PLCL1: variants seen among roughly 807,000 people sequenced by gnomAD.
PLCL1 encodes the protein phospholipase C like 1 (inactive).
Under a neutral mutation model 84.4 loss-of-function variants are expected in PLCL1, and 41 were observed. The observed-to-expected ratio is 0.49, with a 90% CI of 0.38 to 0.63. The LOEUF is 0.63. Among genes scored for constraint, PLCL1 ranks in the 30% least tolerant of loss-of-function variants. The probability of loss-of-function intolerance (pLI) is 0.00; values close to 1 mark genes in which losing one functional copy is unlikely to be tolerated. For missense variants in PLCL1, 1,206 were observed against 1,367.8 expected (o/e 0.88, Z 1.87); for synonymous variants, 490 against 488.3 (o/e 1.00, Z -0.05).
At chr2:198,146,432 T>C (rs1175678836) in intron 5 of PLCL1, among the ~76,000 whole-genome samples, 1 of 152,156 alleles carries the variant, frequency 6.6e-6, no homozygotes, top group African/African-American at 2.4e-5. Flanking sequence ...ATGCTGGATC[T>C]GGGCGGGGTA....
At chr2:197,823,913 G>A (rs539483748) in intron 1 of PLCL1, among the ~76,000 whole-genome samples, 7 of 152,176 alleles carry the variant, frequency 4.6e-5, no homozygotes, top group Non-Finnish European at 7.4e-5. Context: ...CAATTTTTAC[G>A]AAAGGGTCAA....
intron 5 of PLCL1, among the ~76,000 whole-genome samples, chr2:198,136,201 A>G (rs1325411784): frequency 1.3e-5 from 2 of 152,194 alleles, no homozygotes; most frequent in African/African-American, 4.8e-5. Flanking sequence ...TTCTGTTTAT[A>G]TAATAGAATA....
At chr2:197,984,405 T>A (rs1690177306) in intron 1 of PLCL1, among the ~76,000 whole-genome samples, 1 of 151,924 alleles carries the variant, frequency 6.6e-6, no homozygotes, top group East Asian at 1.9e-4. Flanking sequence ...AAATCTTCAA[T>A]AGTGACTGGC....
At chr2:197,923,911 C>G (rs1042695039) in intron 1 of PLCL1, among the ~76,000 whole-genome samples, 1 of 151,578 alleles carries the variant, frequency 6.6e-6, no homozygotes, top group Non-Finnish European at 1.5e-5. Flanking sequence ...ATCCCGGCAC[C>G]TCGGGAGGCC....
chr2:197,990,913 T>C (rs2105812495), intron 1 of PLCL1, among the ~76,000 whole-genome samples: 1 of 152,294 alleles, frequency 6.6e-6, no homozygotes, highest in South Asian at 2.1e-4. Flanking sequence ...TAGGATGTGT[T>C]ATAGAATATG....
At chr2:198,131,352 C>T (rs1694114359) in intron 5 of PLCL1, among the ~76,000 whole-genome samples, 1 of 152,132 alleles carries the variant, frequency 6.6e-6, no homozygotes, top group Non-Finnish European at 1.5e-5. Flanking sequence ...GTACGTATTC[C>T]CACAGAACTC....
chr2:197,906,524 A>G (rs2105742086), intron 1 of PLCL1, among the ~76,000 whole-genome samples: 1 of 152,250 alleles, frequency 6.6e-6, no homozygotes, highest in Admixed American at 6.5e-5. Context: ...CTTTTTGCTT[A>G]GGATTGTCTT....
intron 1 of PLCL1, among the ~76,000 whole-genome samples, chr2:197,829,288 G>A (rs1326829538): frequency 6.6e-6 from 1 of 152,108 alleles, no homozygotes; most frequent in Non-Finnish European, 1.5e-5. Flanking sequence ...ATCAAATAAA[G>A]AATATCTTGG....
In PLCL1 at chr2:197,812,152, T is replaced by C. The variant is rs571827620; in HGVS notation, c.240+6813T>C. On this transcript the variant is annotated intron_variant, in intron 1 of 5. Transcript: ENST00000428675. ...GCTGCAAAGCACATGATTTTGTTCCTTCTTATGGCTGTGTAGTATTCCATA... is the reference window on the plus strand; with the variant it reads ...GCTGCAAAGCACATGATTTTGTTCCCTCTTATGGCTGTGTAGTATTCCATA... 6.6e-4 allele frequency among the ~76,000 whole-genome samples: 100 copies of C among 152,358 alleles called. 1 individual carries two copies. The highest frequency in any genetic ancestry group is 2.4e-3 in the African/African-American group (98 of 41,586).
chr2:197,824,031 T>A (rs1690875105), intron 1 of PLCL1, among the ~76,000 whole-genome samples: 2 of 152,172 alleles, frequency 1.3e-5, no homozygotes, highest in South Asian at 4.1e-4. Context: ...TTTTAAGTAC[T>A]TACAGAATTT....
At chr2:197,856,407 A>C (rs886830339) in intron 1 of PLCL1, among the ~76,000 whole-genome samples, 8 of 152,192 alleles carry the variant, frequency 5.3e-5, no homozygotes, top group Non-Finnish European at 4.4e-5. Flanking sequence ...GCTTACTGTT[A>C]CTACAATGAC....
chr2:197,857,844 G>A (rs992946786), intron 1 of PLCL1, among the ~76,000 whole-genome samples: 1 of 152,104 alleles, frequency 6.6e-6, no homozygotes, highest in African/African-American at 2.4e-5. Context: ...AGCACTCAAT[G>A]TTTCTGGAAT....
intron 1 of PLCL1, among the ~76,000 whole-genome samples, chr2:197,904,513 C>T (rs1295811119): frequency 6.6e-6 from 1 of 152,128 alleles, no homozygotes; most frequent in Non-Finnish European, 1.5e-5. Context: ...CTTGGCAATA[C>T]ACTGAGCAGG....
chr2:197,869,774 C>G (rs1687615081), intron 1 of PLCL1, among the ~76,000 whole-genome samples: 1 of 152,144 alleles, frequency 6.6e-6, no homozygotes, highest in African/African-American at 2.4e-5. Context: ...CCTCTTGACA[C>G]CATCAATTTT....
chr2:197,895,071 G>A (rs1688107622), intron 1 of PLCL1, among the ~76,000 whole-genome samples: 1 of 152,048 alleles, frequency 6.6e-6, no homozygotes, highest in South Asian at 2.1e-4. Flanking sequence ...ATTTAAAAGT[G>A]TTGGCCCAGT....
chr2:197,987,256 G>A (rs1403957030), intron 1 of PLCL1, among the ~76,000 whole-genome samples: 3 of 152,100 alleles, frequency 2.0e-5, no homozygotes, highest in Non-Finnish European at 4.4e-5. Flanking sequence ...TATAATATCG[G>A]CCTGTACATG....
At chr2:198,058,688 T>C (rs1300887464) in intron 1 of PLCL1, among the ~76,000 whole-genome samples, 1 of 152,040 alleles carries the variant, frequency 6.6e-6, no homozygotes, top group East Asian at 1.9e-4. Context: ...CATAGCAATC[T>C]AAAAGATAGC....
At chr2:197,984,748 TCTTA>T (rs556412496) in intron 1 of PLCL1, among the ~76,000 whole-genome samples, 181 of 152,258 alleles carry the variant, frequency 1.2e-3, no homozygotes, top group African/African-American at 4.2e-3. Context: ...GAATGATTTA[TCTTA>T]CTTACTGCAT....
chr2:197,824,670 T>C (rs1458269691), intron 1 of PLCL1, among the ~76,000 whole-genome samples: 1 of 143,652 alleles, frequency 7.0e-6, no homozygotes, highest in Non-Finnish European at 1.5e-5. Context: ...GCTATGATTG[T>C]GCCACTGCAC....
Sources: gnomAD v4.1 joint callset for allele counts (sites outside exome capture counted in the v4.1 genomes callset) on GRCh38, gnomAD v4.1.1 for gene constraint, MANE v1.5 for transcripts, NCBI Gene and HGNC (gene_info 2026-07-23, HGNC 2026-07-21) for gene names.